NCAPG2: variants seen among roughly 807,000 people sequenced by gnomAD.
NCAPG2 encodes condensin-2 complex subunit G2.
Under a neutral mutation model 141.1 loss-of-function variants are expected in NCAPG2, and 53 were observed. The ratio of observed to expected loss-of-function variants is 0.38; its 90% CI spans 0.30 to 0.47. NCAPG2 has a LOEUF of 0.47. Ranked by LOEUF, NCAPG2 falls within the 20% of genes least tolerant of loss-of-function variation. NCAPG2 has a pLI of 0.99. For missense variants in NCAPG2, 1,087 were observed against 1,389.0 expected, an observed-to-expected ratio of 0.78 and a Z score of 3.46; for synonymous variants, 499 against 490.7, an observed-to-expected ratio of 1.02 and a Z score of -0.22.
intron 17 of NCAPG2, 51 bp from the exon 18 acceptor site, chr7:158,656,756 C>T: frequency 1.3e-6 from 2 of 1,578,236 alleles, no homozygotes; most frequent in East Asian, 2.3e-5. Flanking sequence ...GGAGACTCCC[C>T]AACTTTGTCA....
At chr7:158,689,414 C>T (rs1432170153) in intron 6 of NCAPG2, among the ~76,000 whole-genome samples, 3 of 152,010 alleles carry the variant, frequency 2.0e-5, no homozygotes, top group African/African-American at 7.3e-5. Flanking sequence ...AGGCCAGAAG[C>T]CTCTCTGGAT....
intron 27 of NCAPG2, chr7:158,641,559 G>GAAAA: frequency 1.4e-5 from 7 of 483,702 alleles, no homozygotes; most frequent in Admixed American, 4.2e-5. Flanking sequence ...TCATATCTTG[G>GAAAA]AAAAAAAAAA....
At position 158,660,428 on chromosome 7, in the gene NCAPG2, TTA is replaced by T. The variant is rs1554556779; in HGVS notation, c.1989+1764_1989+1765del. 1.8e-3 allele frequency among the ~76,000 whole-genome samples: 167 copies of T among 94,462 alleles called. 3 individuals are homozygous for T. Among genetic ancestry groups the T allele is most frequent in the East Asian group, 3.1e-3 (13 of 4,234 alleles). 62.0% of individuals were successfully genotyped at this position (94,462 alleles called of 152,430 possible). On this transcript the variant is annotated intron_variant, in intron 16 of 27. Coordinates refer to ENST00000356309, the MANE Select transcript of NCAPG2 (RefSeq NM_017760.7). ...TTTTTTTTTTTTTTTTTTTTTTTTT[TTA>T]AAAGAGGCAGGGTCTCACTCTGTTG... is the stretch of plus-strand genomic sequence containing the variant.
chr7:158,698,770 T>C (rs1211630998), intron 2 of NCAPG2, among the ~76,000 whole-genome samples: 1 of 151,270 alleles, frequency 6.6e-6, no homozygotes, highest in Non-Finnish European at 1.5e-5. Context: ...TCCACTTGCT[T>C]TATCAGTAGT....
chr7:158,645,629 A>G lies in NCAPG2; in HGVS notation c.3180-10T>C. 1 of 1,610,964 alleles carries G rather than the reference A, an allele frequency of 6.2e-7. No homozygotes were observed. The highest frequency in any genetic ancestry group is 8.5e-7 in the Non-Finnish European group (1 of 1,177,136). On this transcript the variant is annotated splice_polypyrimidine_tract_variant and intron_variant, in intron 25 of 27. Coordinates refer to ENST00000356309, the MANE Select transcript of NCAPG2 (RefSeq NM_017760.7). The stretch of plus-strand genomic sequence containing the variant: ...TTCATCCAAAAATGACCTGCAAAAA[A>G]ATCAACAAACATCAAAATTACTGTA...
intron 22 of NCAPG2, among the ~76,000 whole-genome samples, chr7:158,652,703 A>G (rs780946565): frequency 6.6e-6 from 1 of 152,270 alleles, no homozygotes; most frequent in Admixed American, 6.5e-5. Context: ...GTTAAAACTG[A>G]TATCTTCAAT....
At chr7:158,672,009 C>A (rs1417670283) in intron 12 of NCAPG2, among the ~76,000 whole-genome samples, 2 of 152,054 alleles carry the variant, frequency 1.3e-5, no homozygotes, top group Non-Finnish European at 2.9e-5. Flanking sequence ...GTCACATGGT[C>A]TCCAAAGGCA....
In NCAPG2 at chr7:158,656,695, T is replaced by C; in HGVS notation, c.2071A>G (p.Ile691Val). ...SAVPPFSCGV[I>V]STLRSREEGA... ...TCCTCCCGGCTTCTCAGCGTGGAAA[T>C]CACACCACAGCTGAAAATGTCAGAC... Residue 691 changes from isoleucine (I) to valine (V), a missense_variant, in exon 18 of 28, where the codon ATT (isoleucine) becomes GTT (valine). Physicochemically the swap from Ile to Val is conservative, Grantham distance 29 (BLOSUM62 3). Transcript: ENST00000356309. The C allele has an allele frequency of 1.2e-6, 2 of 1,613,872 alleles. No homozygotes were observed. The highest frequency in any genetic ancestry group is 1.7e-6 in the Non-Finnish European group (2 of 1,179,954).
chr7:158,636,625 CT>C (rs1830218993), intron 27 of NCAPG2, among the ~76,000 whole-genome samples: 1 of 152,126 alleles, frequency 6.6e-6, no homozygotes, highest in African/African-American at 2.4e-5. Context: ...TGGACTTGAA[CT>C]CCCGACCTCA....
At chr7:158,651,428 C>T (rs1831485526) in intron 23 of NCAPG2, among the ~76,000 whole-genome samples, 1 of 152,164 alleles carries the variant, frequency 6.6e-6, no homozygotes, top group Non-Finnish European at 1.5e-5. Context: ...CAAATGAACT[C>T]AAATTGAACT....
chr7:158,683,148 G>A, intron 9 of NCAPG2, 152 bp downstream of exon 9: 1 of 572,008 alleles, frequency 1.7e-6, no homozygotes, highest in Non-Finnish European at 2.9e-6. Flanking sequence ...TTGGTGGCAG[G>A]AATAAAACTG....
chr7:158,654,751 C>CCAG, intron 21 of NCAPG2, 57 bp from the exon 22 acceptor site: 1 of 1,565,486 alleles, frequency 6.4e-7, no homozygotes. Flanking sequence ...GGGAGTAAAT[C>CCAG]CAGCCTCACA....
At chr7:158,649,897 G>A (rs1831351683) in intron 24 of NCAPG2, among the ~76,000 whole-genome samples, 1 of 152,014 alleles carries the variant, frequency 6.6e-6, no homozygotes, top group Admixed American at 6.6e-5. Context: ...ACCACTTTTT[G>A]TTTTGGCTTG....
intron 16 of NCAPG2, among the ~76,000 whole-genome samples, chr7:158,660,421 TTTTTTTTTAA>T (rs1832402124): frequency 1.0e-5 from 1 of 95,736 alleles, no homozygotes; most frequent in Non-Finnish European, 2.3e-5. Flanking sequence ...TTTTTTTTTT[TTTTTTTTTAA>T]AAGAGGCAGG....
chr7:158,657,259 A>G (rs1246450395), intron 17 of NCAPG2, among the ~76,000 whole-genome samples: 1 of 152,222 alleles, frequency 6.6e-6, no homozygotes, highest in Non-Finnish European at 1.5e-5. Flanking sequence ...TCATTTTAAC[A>G]TGTAATCAAT....
intron 11 of NCAPG2, among the ~76,000 whole-genome samples, chr7:158,679,588 TTAAG>T (rs1413191358): frequency 1.3e-5 from 2 of 152,104 alleles, no homozygotes; most frequent in Non-Finnish European, 2.9e-5. Flanking sequence ...CACATACCTA[TTAAG>T]TGAGAGTGGT....
intron 12 of NCAPG2, among the ~76,000 whole-genome samples, chr7:158,674,321 C>G (rs1429518937): frequency 2.7e-5 from 4 of 149,702 alleles, no homozygotes; most frequent in Admixed American, 6.7e-5. Flanking sequence ...AGGTCTGGCT[C>G]TATCACCCAA....
At chr7:158,688,011 C>T (rs1232447264) in intron 6 of NCAPG2, among the ~76,000 whole-genome samples, 4 of 152,042 alleles carry the variant, frequency 2.6e-5, no homozygotes, top group Non-Finnish European at 4.4e-5. Context: ...AGAATGAATA[C>T]AATCTTCATA....
intron 7 of NCAPG2, among the ~76,000 whole-genome samples, chr7:158,686,816 T>C (rs1042254918): frequency 2.6e-5 from 4 of 152,242 alleles, no homozygotes; most frequent in African/African-American, 9.6e-5. Flanking sequence ...AAGCAAAGCC[T>C]ATCTCAAAAG....
Sources: allele counts gnomAD v4.1 joint callset (sites outside exome capture counted in the v4.1 genomes callset), GRCh38; gene constraint gnomAD v4.1.1; transcripts MANE v1.5; gene names NCBI Gene and HGNC (gene_info 2026-07-23, HGNC 2026-07-21).